AK9: variants seen among roughly 807,000 people sequenced by gnomAD.
AK9 encodes adenylate kinase 9.
A neutral mutation model predicts 239.6 loss-of-function variants in AK9; 191 were observed. The observed-to-expected ratio is 0.80, with a 90% CI of 0.71 to 0.90. The LOEUF (loss-of-function observed/expected upper bound fraction) is 0.90. AK9 is among the 40% of genes least tolerant of loss of function. AK9 has a pLI of 0.00. For missense variants in AK9, 1,995 were observed against 2,214.7 expected (o/e 0.90, Z 1.99); for synonymous variants, 689 against 721.0 (o/e 0.96, Z 0.71).
intron 19 of AK9, among the ~76,000 whole-genome samples, chr6:109,583,311 G>T (rs1463060969): frequency 1.3e-5 from 2 of 152,148 alleles, no homozygotes; most frequent in African/African-American, 4.8e-5. Context: ...CACTTGGATA[G>T]ATGATCCAAT....
At position 109,497,528 on chromosome 6, in the gene AK9, G is replaced by A. The variant is rs1777202660; in HGVS notation, c.5252C>T (p.Ala1751Val). 3 of 1,609,520 alleles carry A rather than the reference G, an allele frequency of 1.9e-6. No individual in the cohort carries two copies. Among genetic ancestry groups the A allele is most frequent in the African/African-American group, 1.3e-5 (1 of 74,672 alleles). ...ATATATACGATTATGATATTCTAAA[G>A]CATAGTTAATGCTACCAGGTACTAG... ...EALVPGSINY[A>V]LEYHNRIYIC... Residue 1751 changes from alanine (A) to valine (V), a missense_variant, in exon 38 of 41, where the codon GCT becomes GTT. This residue lies in a region of AK9 where 391 missense variants were observed against 456.0 expected (regional missense o/e 0.86). Coordinates refer to ENST00000424296, the MANE Select transcript of AK9 (RefSeq NM_001145128.3).
chr6:109,670,770 G>A (rs937120746), intron 5 of AK9, among the ~76,000 whole-genome samples: 9 of 151,992 alleles, frequency 5.9e-5, no homozygotes, highest in African/African-American at 1.7e-4. Flanking sequence ...ATTTATTGAC[G>A]TAATTTGGAA....
chr6:109,610,583 C>A, intron 16 of AK9, 70 bp from the exon 17 acceptor site: 1 of 1,421,410 alleles, frequency 7.0e-7, no homozygotes, highest in Non-Finnish European at 9.6e-7. Context: ...TGCAATAAAA[C>A]ATGATTGATA....
chr6:109,646,921 TG>T (rs1798142395), intron 8 of AK9, among the ~76,000 whole-genome samples: 2 of 151,976 alleles, frequency 1.3e-5, no homozygotes, highest in South Asian at 2.1e-4. Context: ...CAGAAGAGAG[TG>T]GGGGCCAATA....
At chr6:109,667,285 GC>G (rs1227900833) in intron 5 of AK9, among the ~76,000 whole-genome samples, 1 of 135,900 alleles carries the variant, frequency 7.4e-6, no homozygotes, top group Non-Finnish European at 1.6e-5. Context: ...TCCTCACCCA[GC>G]CCCCCACTCA....
At chr6:109,621,907 A>AAC (rs1794877168) in intron 12 of AK9, among the ~76,000 whole-genome samples, 1 of 40,004 alleles carries the variant, frequency 2.5e-5, no homozygotes. Context: ...AAAAAAAAAA[A>AAC]AAAAACAAAA....
chr6:109,658,784 G>C (rs1249222144), intron 7 of AK9, among the ~76,000 whole-genome samples: 2 of 151,444 alleles, frequency 1.3e-5, no homozygotes, highest in African/African-American at 4.9e-5. Flanking sequence ...ACTTTCACTT[G>C]CTTCTTTTTG....
intron 32 of AK9, among the ~76,000 whole-genome samples, chr6:109,511,368 C>T (rs1240096942): frequency 2.0e-5 from 3 of 152,064 alleles, no homozygotes; most frequent in Admixed American, 2.0e-4. Context: ...TGACTTACAG[C>T]CTATGAGGAA....
intron 27 of AK9, among the ~76,000 whole-genome samples, chr6:109,541,029 C>T (rs992138105): frequency 6.6e-6 from 1 of 152,202 alleles, no homozygotes; most frequent in Non-Finnish European, 1.5e-5. Context: ...GCCCTCTCCC[C>T]TGGCTCCCTC....
intron 35 of AK9, 80 bp from the exon 36 acceptor site, chr6:109,499,320 A>G: frequency 3.5e-6 from 4 of 1,144,788 alleles, no homozygotes; most frequent in Non-Finnish European, 4.7e-6. Flanking sequence ...AAATAATTTT[A>G]ATTACACAGC....
At chr6:109,565,594 TC>T (rs1423414937) in intron 21 of AK9, among the ~76,000 whole-genome samples, 1 of 152,184 alleles carries the variant, frequency 6.6e-6, no homozygotes, top group African/African-American at 2.4e-5. Context: ...TAAGAGACTC[TC>T]AACTAATTTC....
At chr6:109,670,081 G>A (rs574281191) in intron 5 of AK9, among the ~76,000 whole-genome samples, 2 of 152,210 alleles carry the variant, frequency 1.3e-5, no homozygotes, top group South Asian at 4.1e-4. Context: ...CAAGACAAAT[G>A]ACCTGTTTTC....
At chr6:109,601,222 A>C (rs902523690) in intron 17 of AK9, among the ~76,000 whole-genome samples, 4 of 152,180 alleles carry the variant, frequency 2.6e-5, no homozygotes, top group Non-Finnish European at 4.4e-5. Flanking sequence ...TTAGTGCTAT[A>C]AATTTCCCTC....
At chr6:109,514,876 G>A (rs1779112985) in intron 31 of AK9, among the ~76,000 whole-genome samples, 1 of 152,160 alleles carries the variant, frequency 6.6e-6, no homozygotes, top group Non-Finnish European at 1.5e-5. Context: ...TATATTTGAA[G>A]ACAGGGCCTT....
intron 24 of AK9, among the ~76,000 whole-genome samples, chr6:109,553,326 T>C (rs1308356259): frequency 6.6e-6 from 1 of 152,240 alleles, no homozygotes. Context: ...TGATTCTTCC[T>C]ATCCATGAGG....
chr6:109,559,431 T>C (rs377148676), intron 24 of AK9, among the ~76,000 whole-genome samples: 185 of 152,264 alleles, frequency 1.2e-3, no homozygotes, highest in Middle Eastern at 0.01. Flanking sequence ...CCTCCCAAAG[T>C]GCTGGGATTA....
intron 21 of AK9, among the ~76,000 whole-genome samples, chr6:109,572,765 G>A (rs1787588433): frequency 2.0e-5 from 3 of 152,140 alleles, no homozygotes; most frequent in African/African-American, 7.2e-5. Context: ...TTTGTAGGAT[G>A]AATTTCAGAT....
intron 3 of AK9, among the ~76,000 whole-genome samples, chr6:109,673,216 TGTGA>T (rs1012102112): frequency 2.9e-4 from 44 of 152,104 alleles, no homozygotes; most frequent in African/African-American, 5.3e-4. Context: ...TGTGTGTGTG[TGTGA>T]GTGTGTGTGT....
chr6:109,587,376 G>T lies in AK9; in HGVS notation c.1843-1304C>A, dbSNP rs138707012. Among the ~76,000 whole-genome samples the T allele has an allele frequency of 5.0e-3, 757 of 152,212 alleles. 7 individuals are homozygous for T. Among genetic ancestry groups the T allele is most frequent in the Middle Eastern group, 0.037 (11 of 294 alleles). On this transcript the variant is annotated intron_variant, in intron 17 of 40. Transcript: ENST00000424296. ...CCTCATTCAACTTTATTTATTTGTT[G>T]TGTATATTCATGGGTTACAAGTGCA... is the stretch of plus-strand genomic sequence containing the variant.
Sources: gnomAD v4.1 joint callset for allele counts (sites outside exome capture counted in the v4.1 genomes callset) on GRCh38, gnomAD v4.1.1 for gene constraint, gnomAD v4.1.1 regional missense constraint, MANE v1.5 for transcripts, NCBI Gene and HGNC (gene_info 2026-07-23, HGNC 2026-07-21) for gene names.